Variants in ADGRF1 observed in about 807,000 individuals in gnomAD.
ADGRF1 encodes adhesion G protein-coupled receptor F1.
Under a neutral mutation model 87.2 loss-of-function variants are expected in ADGRF1, and 85 were observed. The ratio of observed to expected loss-of-function variants is 0.97; its 90% CI spans 0.82 to 1.17. The LOEUF (loss-of-function observed/expected upper bound fraction) is 1.17. ADGRF1 is among the 50% of genes most tolerant of loss of function. The pLI is 0.00. For missense variants in ADGRF1, 1,169 were observed against 1,077.2 expected (o/e 1.09, Z -1.19); for synonymous variants, 430 against 408.8 (o/e 1.05, Z -0.63).
intron 10 of ADGRF1, 150 bp from the exon 11 acceptor site, chr6:47,010,468 C>T (rs2085238636): frequency 2.8e-6 from 2 of 722,222 alleles, no homozygotes; most frequent in Non-Finnish European, 4.4e-6. Context: ...TCAAATTTAG[C>T]TCAGTTCATC....
intron 7 of ADGRF1, chr6:47,019,249 GA>G: frequency 2.1e-6 from 2 of 932,816 alleles, no homozygotes; most frequent in Non-Finnish European, 2.6e-6. Context: ...TATGAATATT[GA>G]AAGTATGATC....
chr6:47,024,283 A>G, intron 4 of ADGRF1, 66 bp from the exon 5 acceptor site: 3 of 1,105,318 alleles, frequency 2.7e-6, no homozygotes, highest in South Asian at 1.5e-5. Context: ...CTGAGCAGTG[A>G]TTTTATTTTA....
chr6:47,008,083 T>C (rs563468947), intron 11 of ADGRF1, among the ~76,000 whole-genome samples: 1 of 152,308 alleles, frequency 6.6e-6, no homozygotes, highest in East Asian at 1.9e-4. Context: ...ATTTAAAAGA[T>C]GAGAGAATTG....
intron 9 of ADGRF1, chr6:47,012,398 T>C (rs969803830): frequency 9.9e-5 from 91 of 917,020 alleles, no homozygotes; most frequent in Middle Eastern, 4.0e-4. Flanking sequence ...CAGGGATTCA[T>C]TGAATTCTTT....
chr6:47,013,168 C>A (rs1779760196), intron 9 of ADGRF1: 2 of 985,360 alleles, frequency 2.0e-6, no homozygotes, highest in Non-Finnish European at 2.4e-6. Flanking sequence ...TCCCCTTCCA[C>A]TCAACATTAA....
At position 47,007,026 on chromosome 6, in the gene ADGRF1, C is replaced by T. The variant is rs547219583; in HGVS notation, c.2532+227G>A. 9.2e-5 allele frequency among the ~76,000 whole-genome samples: 14 copies of T among 151,842 alleles called. No individual in the cohort carries two copies. In the South Asian group the frequency reaches 1.0e-3, roughly 11 times the overall value. ...AGGTAAAAAGAATTCCCCTTTTTTCCGACAACGTTTACATTACATGTTTGA... is the reference window on the plus strand; with the variant it reads ...AGGTAAAAAGAATTCCCCTTTTTTCTGACAACGTTTACATTACATGTTTGA... On this transcript the variant is annotated intron_variant, in intron 12 of 14. Coordinates refer to ENST00000371253, the MANE Select transcript of ADGRF1 (RefSeq NM_153840.4).
intron 11 of ADGRF1, among the ~76,000 whole-genome samples, chr6:47,007,871 C>T (rs576603081): frequency 1.9e-4 from 29 of 152,276 alleles, no homozygotes; most frequent in Non-Finnish European, 3.8e-4. Flanking sequence ...CAGGGGTGCC[C>T]TAAGCTTGTC....
chr6:47,005,550 T>TGCC (rs1779500563), intron 13 of ADGRF1, among the ~76,000 whole-genome samples: 1 of 152,150 alleles, frequency 6.6e-6, no homozygotes, highest in Admixed American at 6.6e-5. Flanking sequence ...TGTTCAAAAG[T>TGCC]ATTCACTCAC....
chr6:47,007,058 C>G (rs1338902418), intron 12 of ADGRF1, among the ~76,000 whole-genome samples, 195 bp downstream of exon 12: 1 of 152,146 alleles, frequency 6.6e-6, no homozygotes, highest in Non-Finnish European at 1.5e-5. Flanking sequence ...TTGATTAGTT[C>G]TGCAAGCTTT....
intron 12 of ADGRF1, among the ~76,000 whole-genome samples, chr6:47,006,573 T>C (rs1445288133): frequency 6.6e-6 from 1 of 152,134 alleles, no homozygotes; most frequent in Non-Finnish European, 1.5e-5. Flanking sequence ...TGGTGTTTGG[T>C]TACATGAGTA....
chr6:47,031,143 C>T (rs1170602062), intron 1 of ADGRF1, among the ~76,000 whole-genome samples: 1 of 152,178 alleles, frequency 6.6e-6, no homozygotes, highest in Non-Finnish European at 1.5e-5. Context: ...AGTGCTGGAG[C>T]TTTCAAATGG....
At chr6:47,039,139 G>A (rs944697095) in intron 1 of ADGRF1, among the ~76,000 whole-genome samples, 2 of 152,140 alleles carry the variant, frequency 1.3e-5, no homozygotes, top group African/African-American at 4.8e-5. Flanking sequence ...CAAGAAAGAA[G>A]AAAAGAATAA....
At chr6:47,015,574 C>CTATTTATTTATTTATT (rs374537407) in intron 8 of ADGRF1, among the ~76,000 whole-genome samples, 2,973 of 149,248 alleles carry the variant, frequency 0.02, 91 homozygotes, top group African/African-American at 0.061. Context: ...CGATGCCTGG[C>CTATTTATTTATTTATT]TATTTATTTA....
At chr6:47,039,504 G>A (rs1687145) in intron 1 of ADGRF1, among the ~76,000 whole-genome samples, 2 of 152,284 alleles carry the variant, frequency 1.3e-5, no homozygotes, top group African/African-American at 4.8e-5. Flanking sequence ...CTGGGGAGGG[G>A]ATGTGATAAG....
At chr6:47,005,383 T>G (rs1202069477) in intron 13 of ADGRF1, among the ~76,000 whole-genome samples, 1 of 152,166 alleles carries the variant, frequency 6.6e-6, no homozygotes, top group Non-Finnish European at 1.5e-5. Flanking sequence ...GTATTAGAAG[T>G]TAACCAAATT....
intron 11 of ADGRF1, among the ~76,000 whole-genome samples, chr6:47,008,611 T>G (rs542427532): frequency 6.6e-6 from 1 of 152,204 alleles, no homozygotes; most frequent in African/African-American, 2.4e-5. Context: ...CAAGTACTTA[T>G]GATGTATTTC....
At chr6:47,031,113 C>T (rs984579297) in intron 1 of ADGRF1, among the ~76,000 whole-genome samples, 1 of 152,172 alleles carries the variant, frequency 6.6e-6, no homozygotes, top group African/African-American at 2.4e-5. Flanking sequence ...TTCCCAGGAA[C>T]TATTTAGACC....
In ADGRF1 at chr6:47,022,033, A is replaced by G. The variant is rs752584521; in HGVS notation, c.477T>C (p.Asn159=). 1.3e-6 allele frequency: 2 copies of G among 1,578,230 alleles called. No homozygotes were observed. Among genetic ancestry groups the G allele is most frequent in the East Asian group, 2.3e-5 (1 of 43,990 alleles). Residue 159 remains asparagine (N), a synonymous_variant, in exon 6 of 15, where the codon AAT becomes AAC. Transcript: ENST00000371253. ...TCAAAAGGTCATTTGTAAACCTTTCATTAATTTTGAAAGTGCCCCAAATCT... is the reference window on the plus strand; with the variant it reads ...TCAAAAGGTCATTTGTAAACCTTTCGTTAATTTTGAAAGTGCCCCAAATCT... ...RTKIWGTFKI[N]ERFTNDLLNS... is the part of the protein sequence containing the mutation.
rs1779941071 is a variant in ADGRF1 at position 47,018,339 on chromosome 6, C to A, written c.612-1571G>T. 4 of 1,213,920 alleles carry A rather than the reference C, an allele frequency of 3.3e-6. No homozygotes were observed. The South Asian group carries it at 5.9e-5, about 18-fold the overall frequency. 75.2% of individuals were successfully genotyped at this position (1,213,920 alleles called of 1,614,324 possible). A position where few individuals can be genotyped will look rare whatever the true frequency, so the allele number is the denominator to read the frequency against. The stretch of plus-strand genomic sequence containing the variant: ...CATTTTATAGATAAGAGAACTGAGG[C>A]CCAATGAGAAGTTGGGTGAAAAAAT... On this transcript the variant is annotated intron_variant, in intron 7 of 14. Coordinates refer to ENST00000371253, the MANE Select transcript of ADGRF1 (RefSeq NM_153840.4).
Sources: allele counts gnomAD v4.1 joint callset (sites outside exome capture counted in the v4.1 genomes callset), GRCh38; gene constraint gnomAD v4.1.1; transcripts MANE v1.5; gene names NCBI Gene and HGNC (gene_info 2026-07-23, HGNC 2026-07-21).